TDRD6: variants seen among roughly 807,000 people sequenced by gnomAD.
TDRD6 encodes the protein tudor domain-containing protein 6.
In TDRD6, 186 loss-of-function variants were observed where a neutral mutation model predicts 157.5. The observed-to-expected ratio is 1.18, with a 90% CI of 1.05 to 1.33. TDRD6 has a LOEUF of 1.33. Ranked by LOEUF, TDRD6 falls within the 40% of genes most tolerant of loss-of-function variation. TDRD6 has a pLI of 0.00. For synonymous variants in TDRD6, 1,075 were observed against 945.2 expected (o/e 1.14, Z -2.52); for missense variants, 3,066 against 2,508.0 (o/e 1.22, Z -4.75).
rs763910353 is a variant in TDRD6 at position 46,692,160 on chromosome 6, G to C, written c.4032G>C (p.Arg1344Ser). 1.2e-6 allele frequency: 2 copies of C among 1,614,066 alleles called. No individual in the cohort carries two copies. Among genetic ancestry groups the C allele is most frequent in the East Asian group, 2.2e-5 (1 of 44,868 alleles). ...AGAGATTAAACAGTGTTAAAACAAG[G>C]CCCGAATATTATGTAGGTCCACCTT... ...LSERLNSVKT[R>S]PEYYVGPPLQ... The change falls in exon 1 of 4, where the codon AGG becomes AGC. Residue 1344 changes from arginine (R) to serine (S), a missense_variant. Transcript: ENST00000316081.
Position 46,694,178 on chromosome 6 carries a change from T to C in TDRD6, c.6046+4T>C. 1.3e-6 allele frequency: 2 copies of C among 1,510,000 alleles called. No individual in the cohort carries two copies. The highest frequency in any genetic ancestry group is 1.8e-6 in the Non-Finnish European group (2 of 1,134,486). 93.5% of individuals were successfully genotyped at this position (1,510,000 alleles called of 1,614,324 possible). On this transcript the variant is annotated splice_donor_region_variant and intron_variant, in intron 1 of 3. Transcript: ENST00000316081. ...GGTTTACCAGATCATATCTCAGGTATGTGAATTTTTTTTCCTTTTTACTTT... is the reference window on the plus strand; with the variant it reads ...GGTTTACCAGATCATATCTCAGGTACGTGAATTTTTTTTCCTTTTTACTTT...
chr6:46,695,714 T>C lies in TDRD6; in HGVS notation c.6047-107T>C, dbSNP rs1764472166. 6 of 1,127,004 alleles carry C rather than the reference T, an allele frequency of 5.3e-6. No individual in the cohort carries two copies. The South Asian group carries it at 6.6e-5, about 12-fold the overall frequency. The allele number at this position is 1,127,004 out of a possible 1,614,324, so 69.8% of individuals were successfully genotyped here. A position where few individuals can be genotyped will look rare whatever the true frequency, so the allele number is the denominator to read the frequency against. Reference sequence around the variant, plus strand: ...TCATACCAATGTACTAATTACATGATATTGATGATATAGAAATAATGCAGA... The same window carrying C: ...TCATACCAATGTACTAATTACATGACATTGATGATATAGAAATAATGCAGA... On this transcript the variant is annotated intron_variant, in intron 1 of 3. Coordinates refer to ENST00000316081, the MANE Select transcript of TDRD6 (RefSeq NM_001010870.3).
In TDRD6 at chr6:46,689,461, C is replaced by A. The variant is rs745494102; in HGVS notation, c.1333C>A (p.Arg445=). ...FGVQSCCLAD[R]VLQSQATEEE... ...AGTACAGTCGTGTTGCTTGGCTGAC[C>A]GAGTCCTTCAGAGCCAGGCAACAGA... The change falls in exon 1 of 4, where the codon CGA becomes AGA. Residue 445 remains arginine, a synonymous_variant. Coordinates refer to ENST00000316081, the MANE Select transcript of TDRD6 (RefSeq NM_001010870.3). The A allele has an allele frequency of 1.2e-6, 2 of 1,613,296 alleles. No homozygotes were observed. The highest frequency in any genetic ancestry group is 1.7e-6 in the Non-Finnish European group (2 of 1,180,022).
At position 46,692,233 on chromosome 6, in the gene TDRD6, T is replaced by C; in HGVS notation, c.4105T>C (p.Trp1369Arg). Reference sequence around the variant, plus strand: ...TGCTGTTTTCCCAGAAGATAATTTATGGTATCGTGCTGTGATCAAGGAGCA... The same window carrying C: ...TGCTGTTTTCCCAGAAGATAATTTACGGTATCGTGCTGTGATCAAGGAGCA... ...ICAVFPEDNL[W>R]YRAVIKEQQP... Residue 1369 changes from tryptophan (W) to arginine (R), a missense_variant, in exon 1 of 4, where the codon TGG (tryptophan) becomes CGG (arginine). Transcript: ENST00000316081. The C allele has an allele frequency of 6.2e-7, 1 of 1,614,124 alleles. No homozygotes were observed. Among genetic ancestry groups the C allele is most frequent in the Non-Finnish European group, 8.5e-7 (1 of 1,179,996 alleles).
chr6:46,694,517 T>C (rs1764444470), intron 1 of TDRD6, among the ~76,000 whole-genome samples: 1 of 152,178 alleles, frequency 6.6e-6, no homozygotes, highest in South Asian at 2.1e-4. Flanking sequence ...TTGTTATTTG[T>C]TTTAAAGAAA....
intron 2 of TDRD6, among the ~76,000 whole-genome samples, 170 bp downstream of exon 2, chr6:46,696,115 G>A (rs549985972): frequency 1.2e-4 from 19 of 152,148 alleles, no homozygotes; most frequent in East Asian, 3.9e-4. Flanking sequence ...TATAAGAATC[G>A]TAGCAAGAAA....
chr6:46,703,005 TGTTAG>T lies in TDRD6; in HGVS notation c.*1123_*1127del, dbSNP rs1206021042. On this transcript the variant is annotated 3_prime_UTR_variant, in exon 4 of 4. Transcript: ENST00000316081. ...CCTGAAAAATACTCAGTGTGCACTATGTTAGGTTATTTCTTTTTAACCTTAACTTA... is the reference window on the plus strand; with the variant it reads ...CCTGAAAAATACTCAGTGTGCACTATGTTATTTCTTTTTAACCTTAACTTA... The T allele has an allele frequency of 1.3e-5, 2 of 152,144 alleles. No homozygotes were observed. The highest frequency in any genetic ancestry group is 2.4e-5 in the African/African-American group (1 of 41,468). 9.4% of individuals were successfully genotyped at this position (152,144 alleles called of 1,614,324 possible). A position where few individuals can be genotyped will look rare whatever the true frequency, so the allele number is the denominator to read the frequency against.
At chr6:46,684,127 CT>C (rs1562048855), upstream of TDRD6, among the ~76,000 whole-genome samples, 3 of 152,096 alleles carry the variant, frequency 2.0e-5, no homozygotes, top group Non-Finnish European at 4.4e-5. Flanking sequence ...TCATTGCCCC[CT>C]ATAATGATCT....
intron 3 of TDRD6, among the ~76,000 whole-genome samples, chr6:46,700,422 G>A (rs1009053337): frequency 2.0e-5 from 3 of 151,900 alleles, no homozygotes; most frequent in African/African-American, 7.3e-5. Flanking sequence ...TACAAAGTGA[G>A]TGTTGTATTA....
intron 3 of TDRD6, among the ~76,000 whole-genome samples, chr6:46,699,665 TA>T (rs1055748318): frequency 2.0e-5 from 3 of 150,524 alleles, no homozygotes; most frequent in Admixed American, 6.6e-5. Flanking sequence ...GACAAAGAAG[TA>T]AAAAAAAAGA....
rs772448416 is a variant in TDRD6 at position 46,693,821 on chromosome 6, G to A, written c.5693G>A (p.Ser1898Asn). 2 of 1,614,190 alleles carry A rather than the reference G, an allele frequency of 1.2e-6. No homozygotes were observed. The highest frequency in any genetic ancestry group is 2.7e-5 in the African/African-American group (2 of 75,050). Residue 1898 changes from serine (S) to asparagine (N), a missense_variant, in exon 1 of 4, where the codon AGC (serine) becomes AAC (asparagine). Physicochemically the swap from Ser to Asn is conservative, Grantham distance 46 (BLOSUM62 1). Coordinates refer to ENST00000316081, the MANE Select transcript of TDRD6 (RefSeq NM_001010870.3). ...MELFTLQLPL[S>N]CEAEKQPELE... Reference sequence around the variant, plus strand: ...CTATTTACACTGCAGCTTCCTCTCAGCTGTGAAGCTGAGAAACAGCCAGAA... The same window carrying A: ...CTATTTACACTGCAGCTTCCTCTCAACTGTGAAGCTGAGAAACAGCCAGAA...
upstream of TDRD6, among the ~76,000 whole-genome samples, chr6:46,685,608 G>C (rs2150672719): frequency 6.6e-6 from 1 of 152,146 alleles, no homozygotes; most frequent in Non-Finnish European, 1.5e-5. Context: ...ACATACCGGG[G>C]CCTGTCAAGG....
At position 46,691,675 on chromosome 6, in the gene TDRD6, A is replaced by C; in HGVS notation, c.3547A>C (p.Lys1183Gln). 6.2e-7 allele frequency: 1 copy of C among 1,612,340 alleles called. No individual in the cohort carries two copies. Among genetic ancestry groups the C allele is most frequent in the Non-Finnish European group, 8.5e-7 (1 of 1,179,496 alleles). The change falls in exon 1 of 4, where the codon AAA becomes CAA. Residue 1183 changes from lysine to glutamine, a missense_variant. Lys to Gln is a moderately conservative substitution (Grantham distance 53). Coordinates refer to ENST00000316081, the MANE Select transcript of TDRD6 (RefSeq NM_001010870.3). ...TTCTACAACTGAAACTCTTGAAGAAAAAAATGAGAATATGAAGTTGCCATG... is the reference window on the plus strand; with the variant it reads ...TTCTACAACTGAAACTCTTGAAGAACAAAATGAGAATATGAAGTTGCCATG... ...LCSTTETLEE[K>Q]NENMKLPCTE...
chr6:46,688,293 C>G lies in TDRD6; in HGVS notation c.165C>G (p.Ala55=). 1 of 1,496,284 alleles carries G rather than the reference C, an allele frequency of 6.7e-7. No individual in the cohort carries two copies. The highest frequency in any genetic ancestry group is 2.6e-5 in the East Asian group (1 of 38,972). The allele number at this position is 1,496,284 out of a possible 1,614,324, so 92.7% of individuals were successfully genotyped here. A position where few individuals can be genotyped will look rare whatever the true frequency, so the allele number is the denominator to read the frequency against. Residue 55 remains alanine, a synonymous_variant, in exon 1 of 4, where the codon GCC becomes GCG. Coordinates refer to ENST00000316081, the MANE Select transcript of TDRD6 (RefSeq NM_001010870.3). ...GCCGGGAAATCCAGGAAGCGGCGGC[C>G]ACGCGCGGCCAGTGGGCGCTGGGCA... The part of the protein sequence containing the change: ...RLSREIQEAA[A]TRGQWALGSA...
At chr6:46,681,497 T>G in the TDRD6 span, 1 of 469,642 alleles carries the variant, frequency 2.1e-6, no homozygotes, top group South Asian at 1.6e-5. Context: ...TACATTACTT[T>G]CTTCTCTCCC....
rs140791007 is a variant in TDRD6 at position 46,693,761 on chromosome 6, T to C, written c.5633T>C (p.Leu1878Pro). The change falls in exon 1 of 4, where the codon CTC becomes CCC. Residue 1878 changes from leucine to proline, a missense_variant. Physicochemically the swap from Leu to Pro is moderately conservative, Grantham distance 98. Transcript: ENST00000316081. ...AGCCCGGTGCCACCGAATGTGCCAC[T>C]CTCCCAAGAGTGTGTCACAAAAGGC... is the stretch of plus-strand genomic sequence containing the variant. ...ELSPVPPNVP[L>P]SQECVTKGAM... 115 of 1,614,178 alleles carry C rather than the reference T, an allele frequency of 7.1e-5. No individual in the cohort carries two copies. Among genetic ancestry groups the C allele is most frequent in the Non-Finnish European group, 9.4e-5 (111 of 1,180,040 alleles).
Position 46,692,189 on chromosome 6 carries a change from A to C in TDRD6, c.4061A>C (p.Gln1354Pro). The C allele has an allele frequency of 6.2e-7, 1 of 1,614,172 alleles. No homozygotes were observed. Among genetic ancestry groups the C allele is most frequent in the Non-Finnish European group, 8.5e-7 (1 of 1,180,000 alleles). The change falls in exon 1 of 4, where the codon CAA (glutamine) becomes CCA (proline). Residue 1354 changes from glutamine (Q) to proline (P), a missense_variant. Physicochemically the swap from Gln to Pro is moderately conservative, Grantham distance 76 (BLOSUM62 -1). Transcript: ENST00000316081. ...RPEYYVGPPL[Q>P]RGDMICAVFP... is the part of the protein sequence containing the mutation. ...GAATATTATGTAGGTCCACCTTTGC[A>C]AAGAGGAGATATGATATGTGCTGTT...
At chr6:46,687,660 C>G (rs1764135615), upstream of TDRD6, 1 of 154,276 alleles carries the variant, frequency 6.5e-6, no homozygotes. Context: ...AAATCCCTCT[C>G]TGGTCGGTCC....
In TDRD6 at chr6:46,691,408, C is replaced by A. The variant is rs1764312348; in HGVS notation, c.3280C>A (p.Gln1094Lys). Reference sequence around the variant, plus strand: ...ATATGATGTCTTACTTTTGCCCATGCAAGCTGTCAGATGTTCATTATCTGA... The same window carrying A: ...ATATGATGTCTTACTTTTGCCCATGAAAGCTGTCAGATGTTCATTATCTGA... ...DAYDVLLLPM[Q>K]AVRCSLSDIP... Residue 1094 changes from glutamine to lysine, a missense_variant, in exon 1 of 4, where the codon CAA becomes AAA. Transcript: ENST00000316081. 1.9e-6 allele frequency: 3 copies of A among 1,614,016 alleles called. No individual in the cohort carries two copies. Among genetic ancestry groups the A allele is most frequent in the Non-Finnish European group, 2.5e-6 (3 of 1,179,946 alleles).
Sources: allele counts gnomAD v4.1 joint callset (sites outside exome capture counted in the v4.1 genomes callset), GRCh38; gene constraint gnomAD v4.1.1; transcripts MANE v1.5; gene names NCBI Gene and HGNC (gene_info 2026-07-23, HGNC 2026-07-21).